The following SLC4A10 variants were observed in gnomAD, a reference collection of about 807,000 sequenced individuals.
The protein encoded by SLC4A10 is solute carrier family 4 member 10.
In SLC4A10, 42 loss-of-function variants were observed where a neutral mutation model predicts 137.7. The ratio of observed to expected loss-of-function variants is 0.30; its 90% CI spans 0.24 to 0.39. The LOEUF is 0.39. Ranked by LOEUF, SLC4A10 falls within the 10% of genes least tolerant of loss-of-function variation. The probability of loss-of-function intolerance (pLI) is 1.00; values close to 1 mark genes in which losing one functional copy is unlikely to be tolerated. For synonymous variants in SLC4A10, 474 were observed against 464.1 expected (o/e 1.02, Z -0.27); for missense variants, 925 against 1,355.0 (o/e 0.68, Z 4.98).
Position 161,879,304 on chromosome 2 carries a change from G to A in SLC4A10, c.1106+16G>A. 1 of 1,589,930 alleles carries A rather than the reference G, an allele frequency of 6.3e-7. No homozygotes were observed. Among genetic ancestry groups the A allele is most frequent in the Admixed American group, 1.8e-5 (1 of 56,796 alleles). On this transcript the variant is annotated intron_variant, in intron 9 of 26. Transcript: ENST00000446997. ...TCCCAACCAGGTAAAAAGTATAAAA[G>A]CGTCTTTTGTATTTTTCTTAAACCA...
At chr2:161,895,033 A>G (rs1354996130) in intron 11 of SLC4A10, among the ~76,000 whole-genome samples, 3 of 150,936 alleles carry the variant, frequency 2.0e-5, no homozygotes, top group Non-Finnish European at 4.4e-5. Context: ...ATTTAGCATT[A>G]GGTATATCTC....
intron 1 of SLC4A10, among the ~76,000 whole-genome samples, chr2:161,681,932 T>G (rs576990162): frequency 2.0e-4 from 30 of 152,290 alleles, no homozygotes; most frequent in Admixed American, 1.6e-3. Context: ...ATTTCTATTT[T>G]TGTCTACTTT....
intron 3 of SLC4A10, among the ~76,000 whole-genome samples, chr2:161,810,707 G>T (rs1175940087): frequency 6.6e-6 from 1 of 152,082 alleles, no homozygotes; most frequent in South Asian, 2.1e-4. Flanking sequence ...TGCATTCCAG[G>T]AATGAAGCCC....
At chr2:161,675,325 G>A (rs769756801) in intron 1 of SLC4A10, among the ~76,000 whole-genome samples, 2 of 152,174 alleles carry the variant, frequency 1.3e-5, no homozygotes, top group Non-Finnish European at 2.9e-5. Flanking sequence ...TCTTTCTGAT[G>A]GAGGGAGATT....
rs1261146957 is a variant in SLC4A10, at chr2:161,827,808, G to A, written c.278-11981G>A. Among the ~76,000 whole-genome samples, 4 of 152,182 alleles carry A rather than the reference G, an allele frequency of 2.6e-5. 1 individual carries two copies. Among genetic ancestry groups the A allele is most frequent in the South Asian group, 4.1e-4 (2 of 4,826 alleles). On this transcript the variant is annotated intron_variant, in intron 3 of 26. Transcript: ENST00000446997. The stretch of plus-strand genomic sequence containing the variant: ...TCTCGATCTCCTGACCTCGTGATCC[G>A]CCCTTCTCGGCCTCCCAAAGTGCTG...
intron 3 of SLC4A10, among the ~76,000 whole-genome samples, chr2:161,814,804 T>C (rs1360855320): frequency 6.6e-6 from 1 of 151,972 alleles, no homozygotes; most frequent in Non-Finnish European, 1.5e-5. Flanking sequence ...GTTAAAAAAG[T>C]AACTATTGGG....
intron 3 of SLC4A10, among the ~76,000 whole-genome samples, chr2:161,835,133 G>A (rs1285462902): frequency 6.6e-6 from 1 of 151,304 alleles, no homozygotes; most frequent in Non-Finnish European, 1.5e-5. Flanking sequence ...CACCTGCTGG[G>A]TTCAAGCAAT....
rs573087880 is a variant in SLC4A10 at position 161,888,166 on chromosome 2, T to C, written c.1194+5722T>C. Among the ~76,000 whole-genome samples, 6 of 151,940 alleles carry C rather than the reference T, an allele frequency of 3.9e-5. 1 individual carries two copies. Among genetic ancestry groups the C allele is most frequent in the African/African-American group, 1.4e-4 (6 of 41,512 alleles). On this transcript the variant is annotated intron_variant, in intron 10 of 26. Coordinates refer to ENST00000446997, the MANE Select transcript of SLC4A10 (RefSeq NM_001178015.2). ...TGTTCTGTTCCATTGGTCTAAATATTGGTTTGGATACAAGTGCCCTGTGGT... is the reference window on the plus strand; with the variant it reads ...TGTTCTGTTCCATTGGTCTAAATATCGGTTTGGATACAAGTGCCCTGTGGT...
At chr2:161,653,200 A>T (rs1574121437) in intron 1 of SLC4A10, among the ~76,000 whole-genome samples, 1 of 152,174 alleles carries the variant, frequency 6.6e-6, no homozygotes, top group Admixed American at 6.5e-5. Flanking sequence ...TTATGGCTGC[A>T]TGGTATTCCA....
At chr2:161,834,826 C>A (rs2058663075) in intron 3 of SLC4A10, among the ~76,000 whole-genome samples, 1 of 152,116 alleles carries the variant, frequency 6.6e-6, no homozygotes, top group African/African-American at 2.4e-5. Context: ...ATTGGACTGA[C>A]TGTCCCCAAG....
At chr2:161,817,262 G>C (rs1037504320) in intron 3 of SLC4A10, among the ~76,000 whole-genome samples, 1 of 152,144 alleles carries the variant, frequency 6.6e-6, no homozygotes, top group African/African-American at 2.4e-5. Context: ...GTGCCTGTTG[G>C]CTGCATAAAT....
At chr2:161,900,770 T>A in intron 11 of SLC4A10, 141 bp from the exon 12 acceptor site, 1 of 556,990 alleles carries the variant, frequency 1.8e-6, no homozygotes, top group East Asian at 3.0e-5. Flanking sequence ...TTCCTGGAGG[T>A]CAAGCAACAA....
chr2:161,818,769 C>T (rs558271719), intron 3 of SLC4A10, among the ~76,000 whole-genome samples: 197 of 152,218 alleles, frequency 1.3e-3, no homozygotes, highest in African/African-American at 4.5e-3. Flanking sequence ...TGTTTATATA[C>T]TGGATTACAT....
At chr2:161,939,338 G>C (rs1387366835) in intron 15 of SLC4A10, among the ~76,000 whole-genome samples, 1 of 152,176 alleles carries the variant, frequency 6.6e-6, no homozygotes. Context: ...GCCTCCCAAA[G>C]TGCTGGAATT....
chr2:161,938,612 T>A (rs1692043093), intron 15 of SLC4A10, among the ~76,000 whole-genome samples: 1 of 151,506 alleles, frequency 6.6e-6, no homozygotes, highest in Admixed American at 6.6e-5. Flanking sequence ...TCCAAATATC[T>A]TGGGCATATA....
chr2:161,828,767 CATATATATATATATATATATATAT>C (rs58808663), intron 3 of SLC4A10, among the ~76,000 whole-genome samples: 1,074 of 42,100 alleles, frequency 0.026, 72 homozygotes, highest in African/African-American at 0.066. Context: ...AATTCTAATT[CATATATATATATATATATATATAT>C]ATATATATAT....
chr2:161,635,803 A>G (rs2034302786), intron 1 of SLC4A10, among the ~76,000 whole-genome samples: 1 of 152,090 alleles, frequency 6.6e-6, no homozygotes, highest in Non-Finnish European at 1.5e-5. Context: ...GCTGTTAATC[A>G]CTGGTCCTCT....
intron 1 of SLC4A10, among the ~76,000 whole-genome samples, chr2:161,746,080 T>C (rs2048354846): frequency 6.6e-6 from 1 of 152,084 alleles, no homozygotes; most frequent in Admixed American, 6.5e-5. Flanking sequence ...TGGTGACTAT[T>C]TCCTGACTAC....
chr2:161,755,945 A>T (rs912210637), intron 1 of SLC4A10, among the ~76,000 whole-genome samples: 1 of 151,736 alleles, frequency 6.6e-6, no homozygotes, highest in Non-Finnish European at 1.5e-5. Context: ...AATTTTTTGT[A>T]TCTTTAGTAA....
Sources: allele counts gnomAD v4.1 joint callset (sites outside exome capture counted in the v4.1 genomes callset), GRCh38; gene constraint gnomAD v4.1.1; transcripts MANE v1.5; gene names NCBI Gene and HGNC (gene_info 2026-07-23, HGNC 2026-07-21).